The following CARMIL1 variants were observed in gnomAD, a reference collection of about 807,000 sequenced individuals.
CARMIL1 encodes F-actin-uncapping protein LRRC16A.
A neutral mutation model predicts 177.1 loss-of-function variants in CARMIL1; 90 were observed. The observed-to-expected ratio is 0.51, with a 90% CI of 0.43 to 0.61. The LOEUF (loss-of-function observed/expected upper bound fraction) is 0.61. CARMIL1 is among the 20% of genes least tolerant of loss of function. The probability of loss-of-function intolerance (pLI) is 0.00; values close to 1 mark genes in which losing one functional copy is unlikely to be tolerated. For missense variants in CARMIL1, 1,380 were observed against 1,667.0 expected, an observed-to-expected ratio of 0.83 and a Z score of 3.00; for synonymous variants, 577 against 606.2, an observed-to-expected ratio of 0.95 and a Z score of 0.71.
At chr6:25,537,677 T>A (rs757942101) in intron 24 of CARMIL1, among the ~76,000 whole-genome samples, 178 bp from the exon 25 acceptor site, 3 of 152,194 alleles carry the variant, frequency 2.0e-5, no homozygotes, top group Non-Finnish European at 4.4e-5. Context: ...TAAAGTAAAT[T>A]AATAATTGCT....
intron 31 of CARMIL1, among the ~76,000 whole-genome samples, chr6:25,586,508 C>A (rs551660234): frequency 2.2e-5 from 3 of 135,956 alleles, no homozygotes; most frequent in Admixed American, 7.4e-5. Context: ...ACATCCCAGA[C>A]GATGGGCGGC....
chr6:25,367,089 ATGT>A (rs1318214864), intron 2 of CARMIL1, among the ~76,000 whole-genome samples: 1 of 152,202 alleles, frequency 6.6e-6, no homozygotes, highest in African/African-American at 2.4e-5. Context: ...GTATTTTCAC[ATGT>A]TGGCTGCTAC....
intron 2 of CARMIL1, among the ~76,000 whole-genome samples, chr6:25,369,582 C>T (rs907868504): frequency 2.0e-5 from 3 of 152,012 alleles, no homozygotes; most frequent in African/African-American, 4.8e-5. Context: ...TGCTATGTAT[C>T]GAGGTGGCAA....
intron 2 of CARMIL1, among the ~76,000 whole-genome samples, chr6:25,344,667 T>C (rs1478144610): frequency 6.6e-6 from 1 of 152,170 alleles, no homozygotes; most frequent in Non-Finnish European, 1.5e-5. Flanking sequence ...CAAACATCCA[T>C]GGTCTCCTTA....
Position 25,465,822 on chromosome 6 carries a change from G to C in CARMIL1, c.615-51G>C. 1.7e-5 allele frequency: 17 copies of C among 1,027,628 alleles called. No individual in the cohort carries two copies. The South Asian group carries it at 2.2e-4, about 13-fold the overall frequency. 63.7% of individuals were successfully genotyped at this position (1,027,628 alleles called of 1,614,324 possible). A position where few individuals can be genotyped will look rare whatever the true frequency, so the allele number is the denominator to read the frequency against. ...GTCATGGATTAAAAATTAAGTGTCA[G>C]TGTAGCTACTGTAGGAGCACTTTCA... On this transcript the variant is annotated intron_variant, in intron 8 of 36. Transcript: ENST00000329474.
chr6:25,590,907 TATCA>T (rs1168122240), intron 31 of CARMIL1, among the ~76,000 whole-genome samples: 1 of 152,240 alleles, frequency 6.6e-6, no homozygotes, highest in African/African-American at 2.4e-5. Flanking sequence ...TCAACTGTTT[TATCA>T]ATCCTCTCAA....
chr6:25,584,030 T>TC (rs937653710), intron 31 of CARMIL1, among the ~76,000 whole-genome samples: 5 of 139,688 alleles, frequency 3.6e-5, no homozygotes, highest in South Asian at 2.3e-4. Flanking sequence ...CTTTTTCTTT[T>TC]TTTTTTTTTT....
chr6:25,550,760 G>A, intron 26 of CARMIL1, 150 bp from the exon 27 acceptor site: 1 of 652,414 alleles, frequency 1.5e-6, no homozygotes. Flanking sequence ...TCACCCTGGG[G>A]CAGCTCAGAA....
intron 2 of CARMIL1, among the ~76,000 whole-genome samples, chr6:25,314,199 C>T (rs918712487): frequency 1.2e-3 from 153 of 129,418 alleles, no homozygotes; most frequent in Non-Finnish European, 1.3e-3. Flanking sequence ...CCTTGTGATC[C>T]ACCCACCCGC....
At chr6:25,506,968 C>T (rs756453407) in intron 17 of CARMIL1, among the ~76,000 whole-genome samples, 4 of 152,070 alleles carry the variant, frequency 2.6e-5, no homozygotes, top group African/African-American at 7.2e-5. Context: ...AGATCAGAAA[C>T]GTTCCACCTT....
chr6:25,582,433 G>T (rs556796562), intron 31 of CARMIL1, among the ~76,000 whole-genome samples: 48 of 152,306 alleles, frequency 3.2e-4, no homozygotes, highest in Admixed American at 5.2e-4. Flanking sequence ...GTTGTTGACT[G>T]TAGATTTCTG....
chr6:25,309,461 C>A (rs1424830361), intron 2 of CARMIL1, among the ~76,000 whole-genome samples: 1 of 148,096 alleles, frequency 6.8e-6, no homozygotes, highest in Non-Finnish European at 1.5e-5. Flanking sequence ...GCATCTATTA[C>A]CAGAATCAAT....
intron 2 of CARMIL1, among the ~76,000 whole-genome samples, chr6:25,418,367 C>G (rs1435154246): frequency 6.6e-6 from 1 of 152,014 alleles, no homozygotes; most frequent in African/African-American, 2.4e-5. Flanking sequence ...TTATTGTTAT[C>G]GTCTTGAAAT....
Position 25,337,871 on chromosome 6 carries a change from A to G in CARMIL1, c.138+52962A>G, listed in dbSNP as rs373621565. 2.0e-5 allele frequency among the ~76,000 whole-genome samples: 3 copies of G among 152,204 alleles called. No homozygotes were observed. In the East Asian group the frequency reaches 5.8e-4, roughly 29 times the overall value. On this transcript the variant is annotated intron_variant, in intron 2 of 36. Transcript: ENST00000329474. ...TGGCTCAGTTAAAGATATGAAAAAC[A>G]TTTTTTAACAAAAAGGTGTTAGTGG...
At chr6:25,536,504 T>A (rs1022536578) in intron 24 of CARMIL1, among the ~76,000 whole-genome samples, 1 of 152,144 alleles carries the variant, frequency 6.6e-6, no homozygotes, top group Admixed American at 6.6e-5. Context: ...TTTACAGCAA[T>A]AGGAGCTGTT....
intron 5 of CARMIL1, among the ~76,000 whole-genome samples, chr6:25,447,801 G>C (rs1296837991): frequency 6.6e-6 from 1 of 151,854 alleles, no homozygotes; most frequent in East Asian, 1.9e-4. Flanking sequence ...CTCCAGACTG[G>C]GGGTGGCTTG....
intron 2 of CARMIL1, among the ~76,000 whole-genome samples, chr6:25,373,737 T>C (rs4712921): frequency 0.88 from 133,006 of 151,948 alleles, 58,567 homozygotes; most frequent in African/African-American, 0.97. Flanking sequence ...CATGCGCCAC[T>C]ATGCCTGGCT....
chr6:25,443,373 C>T (rs573690005), intron 5 of CARMIL1, among the ~76,000 whole-genome samples: 15 of 152,256 alleles, frequency 9.9e-5, no homozygotes, highest in Admixed American at 3.3e-4. Context: ...ATGGTTACCC[C>T]GAAGTATTAA....
At chr6:25,464,977 T>C (rs1366775871) in intron 8 of CARMIL1, among the ~76,000 whole-genome samples, 1 of 146,716 alleles carries the variant, frequency 6.8e-6, no homozygotes, top group African/African-American at 2.5e-5. Context: ...GTCATGCAGA[T>C]AGCTTCACTA....
Sources: gnomAD v4.1 joint callset for allele counts (sites outside exome capture counted in the v4.1 genomes callset) on GRCh38, gnomAD v4.1.1 for gene constraint, MANE v1.5 for transcripts, NCBI Gene and HGNC (gene_info 2026-07-23, HGNC 2026-07-21) for gene names.